The following STK32B variants were observed in gnomAD, a reference collection of about 807,000 sequenced individuals.
STK32B encodes serine/threonine-protein kinase 32B.
A neutral mutation model predicts 52.6 loss-of-function variants in STK32B; 43 were observed. That is an observed-to-expected ratio of 0.82 (90% CI 0.64 to 1.05). The LOEUF is 1.05. Among genes scored for constraint, STK32B ranks in the 50% least tolerant of loss-of-function variants. STK32B has a pLI of 0.00. For synonymous variants in STK32B, 238 were observed against 204.3 expected (o/e 1.17, Z -1.41); for missense variants, 621 against 534.6 (o/e 1.16, Z -1.59).
intron 1 of STK32B, among the ~76,000 whole-genome samples, chr4:5,129,809 A>C (rs966482170): frequency 4.6e-5 from 7 of 152,186 alleles, no homozygotes; most frequent in African/African-American, 1.4e-4. Flanking sequence ...TGACCCTCTC[A>C]TTGCAAATGT....
intron 6 of STK32B, among the ~76,000 whole-genome samples, chr4:5,420,767 C>T (rs1169586009): frequency 6.6e-6 from 1 of 152,174 alleles, no homozygotes; most frequent in Non-Finnish European, 1.5e-5. Flanking sequence ...GGCAGCAGCT[C>T]CCATTAGAAG....
At chr4:5,197,724 G>T (rs904966079) in intron 3 of STK32B, among the ~76,000 whole-genome samples, 1 of 152,122 alleles carries the variant, frequency 6.6e-6, no homozygotes, top group Non-Finnish European at 1.5e-5. Context: ...ATAATCTTTG[G>T]ATGCTATCCT....
At chr4:5,338,210 A>T (rs1222412098) in intron 4 of STK32B, among the ~76,000 whole-genome samples, 1 of 152,060 alleles carries the variant, frequency 6.6e-6, no homozygotes, top group Non-Finnish European at 1.5e-5. Flanking sequence ...AACTATTTGC[A>T]TATAACTTTG....
At chr4:5,289,558 A>T (rs185532142) in intron 3 of STK32B, among the ~76,000 whole-genome samples, 119 of 152,186 alleles carry the variant, frequency 7.8e-4, no homozygotes, top group Non-Finnish European at 1.4e-3. Context: ...TTAAAATGAA[A>T]ATGTGATAAC....
At chr4:5,332,498 A>C (rs1377140567) in intron 4 of STK32B, among the ~76,000 whole-genome samples, 1 of 151,930 alleles carries the variant, frequency 6.6e-6, no homozygotes, top group African/African-American at 2.4e-5. Context: ...TTTTTGTTTT[A>C]TTTTATTATT....
chr4:5,422,314 G>A (rs1286653194), intron 6 of STK32B, among the ~76,000 whole-genome samples: 1 of 152,190 alleles, frequency 6.6e-6, no homozygotes, highest in East Asian at 1.9e-4. Flanking sequence ...CTAATGCCAA[G>A]TGGCAGGTTT....
chr4:5,431,097 T>C lies in STK32B; in HGVS notation c.562+14163T>C, dbSNP rs186633380. Among the ~76,000 whole-genome samples the C allele has an allele frequency of 4.0e-4, 61 of 152,360 alleles. No individual in the cohort carries two copies. In the East Asian group the frequency reaches 6.2e-3, roughly 15 times the overall value. ...CAGCAATAGGAAACCACTAATGGTC[T>C]GATCCCAGGATCATGGTAGGGAAAT... On this transcript the variant is annotated intron_variant, in intron 6 of 11. Coordinates refer to ENST00000282908, the MANE Select transcript of STK32B (RefSeq NM_018401.3).
intron 4 of STK32B, among the ~76,000 whole-genome samples, chr4:5,385,309 A>G (rs1014725377): frequency 1.3e-5 from 2 of 151,938 alleles, no homozygotes; most frequent in African/African-American, 4.8e-5. Context: ...CAGGTGAGGG[A>G]AGAAGTCAGA....
rs1202208316 is a variant in STK32B, at chr4:5,394,530, G to A, written c.435-3677G>A. 6.6e-6 allele frequency among the ~76,000 whole-genome samples: 1 copy of A among 152,140 alleles called. No homozygotes were observed. The highest frequency in any genetic ancestry group is 1.5e-5 in the Non-Finnish European group (1 of 68,024). ...GATTCAGATTCTCCATCTCCTCCACGCTGCTTTGCAGGCATCTGCCCAGCA... is the reference window on the plus strand; with the variant it reads ...GATTCAGATTCTCCATCTCCTCCACACTGCTTTGCAGGCATCTGCCCAGCA... On this transcript the variant is annotated intron_variant, in intron 4 of 11. Transcript: ENST00000282908. The surrounding 1 kb of genome is among the most constrained non-coding windows in gnomAD (Gnocchi z 4.2).
At chr4:5,167,022 C>G (rs1718923791) in intron 2 of STK32B, among the ~76,000 whole-genome samples, 1 of 152,166 alleles carries the variant, frequency 6.6e-6, no homozygotes, top group South Asian at 2.1e-4. Context: ...CAGCCCTGCT[C>G]ACTTTTCCTG....
chr4:5,431,320 T>G (rs1016627835), intron 6 of STK32B, among the ~76,000 whole-genome samples: 1 of 152,200 alleles, frequency 6.6e-6, no homozygotes, highest in Non-Finnish European at 1.5e-5. Context: ...TAAATAACAT[T>G]AATTGCCTTG....
chr4:5,299,261 TC>T (rs903643153), intron 3 of STK32B, among the ~76,000 whole-genome samples: 2 of 151,928 alleles, frequency 1.3e-5, no homozygotes, highest in African/African-American at 4.8e-5. Flanking sequence ...GCCAGATCCT[TC>T]TTTTTATCTT....
At chr4:5,240,765 C>A (rs1174965236) in intron 3 of STK32B, among the ~76,000 whole-genome samples, 1 of 152,246 alleles carries the variant, frequency 6.6e-6, no homozygotes, top group Non-Finnish European at 1.5e-5. Flanking sequence ...TGGCTTAATA[C>A]AGTCAAATGT....
At chr4:5,364,353 G>A (rs1199449326) in intron 4 of STK32B, among the ~76,000 whole-genome samples, 1 of 152,226 alleles carries the variant, frequency 6.6e-6, no homozygotes, top group African/African-American at 2.4e-5. Flanking sequence ...AAGAGAGAGA[G>A]AGAAGGGGAA....
chr4:5,301,746 C>CTTT (rs3077862), intron 3 of STK32B, among the ~76,000 whole-genome samples: 7,931 of 124,246 alleles, frequency 0.064, 439 homozygotes, highest in African/African-American at 0.15. Flanking sequence ...GTTCCATTAG[C>CTTT]TTTTTTTTTT....
intron 11 of STK32B, among the ~76,000 whole-genome samples, chr4:5,488,454 T>C (rs775564581): frequency 5.9e-5 from 9 of 152,218 alleles, no homozygotes; most frequent in Non-Finnish European, 1.0e-4. Context: ...ACTTTTTTTT[T>C]AGTTTTTTAC....
intron 1 of STK32B, among the ~76,000 whole-genome samples, chr4:5,054,953 T>C (rs1741943536): frequency 6.6e-6 from 1 of 152,192 alleles, no homozygotes; most frequent in African/African-American, 2.4e-5. Flanking sequence ...CACAGATTAA[T>C]AGGCAGAGTT....
At chr4:5,439,060 CAT>C (rs371183876) in intron 6 of STK32B, among the ~76,000 whole-genome samples, 3,200 of 150,496 alleles carry the variant, frequency 0.021, 49 homozygotes, top group South Asian at 0.082. Flanking sequence ...CCGCAATAAA[CAT>C]ATGTGTGCAT....
the STK32B span, among the ~76,000 whole-genome samples, chr4:5,029,608 A>G: frequency 1.3e-5 from 2 of 152,190 alleles, no homozygotes; most frequent in African/African-American, 2.4e-5. Flanking sequence ...CAACCCATAC[A>G]GCCTGGAAGC....
Sources: allele counts gnomAD v4.1 joint callset (sites outside exome capture counted in the v4.1 genomes callset), GRCh38; gene constraint gnomAD v4.1.1; non-coding constraint Gnocchi (gnomAD v3.1); transcripts MANE v1.5; gene names NCBI Gene and HGNC (gene_info 2026-07-23, HGNC 2026-07-21).